ANKS1B: variants seen among roughly 807,000 people sequenced by gnomAD.
The protein encoded by ANKS1B is ankyrin repeat and sterile alpha motif domain-containing protein 1B.
A neutral mutation model predicts 148.3 loss-of-function variants in ANKS1B; 36 were observed. The ratio of observed to expected loss-of-function variants is 0.24; its 90% confidence interval spans 0.19 to 0.32. ANKS1B has a LOEUF of 0.32. Among genes scored for constraint, ANKS1B ranks in the 10% least tolerant of loss-of-function variants. The probability of loss-of-function intolerance (pLI) is 1.00; values close to 1 mark genes in which losing one functional copy is unlikely to be tolerated. For synonymous variants in ANKS1B, 542 were observed against 560.8 expected (o/e 0.97, Z 0.47); for missense variants, 1,157 against 1,542.6 (o/e 0.75, Z 4.19).
intron 20 of ANKS1B, among the ~76,000 whole-genome samples, chr12:98,806,234 C>T (rs531266125): frequency 6.6e-6 from 1 of 152,154 alleles, no homozygotes; most frequent in Non-Finnish European, 1.5e-5. Flanking sequence ...AATTAAAAGC[C>T]ATGCTTACAA....
At chr12:98,892,426 T>C (rs1170085937) in intron 17 of ANKS1B, among the ~76,000 whole-genome samples, 1 of 152,210 alleles carries the variant, frequency 6.6e-6, no homozygotes, top group African/African-American at 2.4e-5. Context: ...TCCCCCACAA[T>C]GTACTCTGTC....
intron 1 of ANKS1B, among the ~76,000 whole-genome samples, chr12:99,904,195 CT>C (rs11299342): frequency 0.58 from 84,598 of 144,946 alleles, 24,883 homozygotes; most frequent in Middle Eastern, 0.7. Flanking sequence ...CCTAATAATT[CT>C]TTTTTTTTTT....
chr12:99,294,574 C>T (rs1468277716), intron 12 of ANKS1B, among the ~76,000 whole-genome samples: 1 of 151,560 alleles, frequency 6.6e-6, no homozygotes, highest in Admixed American at 6.6e-5. Flanking sequence ...TTAGCGGATA[C>T]AAAAATACAG....
intron 22 of ANKS1B, among the ~76,000 whole-genome samples, chr12:98,798,421 T>A (rs2098970280): frequency 6.6e-6 from 1 of 151,838 alleles, no homozygotes; most frequent in African/African-American, 2.4e-5. Flanking sequence ...GTGCCCGGCC[T>A]GGAATTGCCA....
At chr12:99,166,246 A>G (rs1205084672) in intron 14 of ANKS1B, among the ~76,000 whole-genome samples, 4 of 151,758 alleles carry the variant, frequency 2.6e-5, no homozygotes, top group Admixed American at 2.6e-4. Context: ...TCTACCCAAC[A>G]TTGTACTGGA....
intron 17 of ANKS1B, among the ~76,000 whole-genome samples, chr12:99,051,192 C>T (rs2099965845): frequency 6.6e-6 from 1 of 152,112 alleles, no homozygotes; most frequent in Admixed American, 6.5e-5. Context: ...AAAGTGAGTG[C>T]CCAAGCTTAC....
intron 4 of ANKS1B, among the ~76,000 whole-genome samples, chr12:99,791,165 T>C (rs891837075): frequency 8.6e-5 from 13 of 151,860 alleles, no homozygotes; most frequent in Admixed American, 6.6e-4. Flanking sequence ...ATAAAAATTG[T>C]AGGAAAAGAC....
intron 8 of ANKS1B, among the ~76,000 whole-genome samples, chr12:99,716,696 C>T (rs1407961067): frequency 3.3e-5 from 5 of 152,278 alleles, no homozygotes; most frequent in African/African-American, 1.2e-4. Context: ...TTCTTTCACA[C>T]ATCAGTCCCT....
intron 9 of ANKS1B, among the ~76,000 whole-genome samples, chr12:99,567,696 A>G (rs1277188312): frequency 6.6e-6 from 1 of 152,288 alleles, no homozygotes; most frequent in Non-Finnish European, 1.5e-5. Context: ...GAGTAGATAA[A>G]GGTATCAGGA....
intron 1 of ANKS1B, among the ~76,000 whole-genome samples, chr12:99,975,173 C>T (rs2153837747): frequency 6.6e-6 from 1 of 152,182 alleles, no homozygotes; most frequent in South Asian, 2.1e-4. Context: ...GAAGAATTAC[C>T]ACCTGTATCC....
chr12:99,269,242 A>G (rs1024412951), intron 12 of ANKS1B, among the ~76,000 whole-genome samples: 2 of 152,226 alleles, frequency 1.3e-5, no homozygotes, highest in Admixed American at 1.3e-4. Flanking sequence ...TATATCAAGC[A>G]AATACATTTT....
chr12:99,477,774 G>A (rs1396915176), intron 10 of ANKS1B, among the ~76,000 whole-genome samples: 10 of 152,108 alleles, frequency 6.6e-5, no homozygotes, highest in Admixed American at 3.3e-4. Context: ...GTGAAAAGGA[G>A]TGCTAGTAAT....
chr12:98,863,306 T>G (rs919040529), intron 17 of ANKS1B, among the ~76,000 whole-genome samples: 4 of 152,220 alleles, frequency 2.6e-5, no homozygotes, highest in African/African-American at 7.2e-5. Context: ...GCAGCTCGGC[T>G]GGATCCCAGC....
At chr12:98,743,908 T>A, downstream of ANKS1B, 1 of 781,470 alleles carries the variant, frequency 1.3e-6, no homozygotes, top group Non-Finnish European at 1.6e-6. Context: ...CTGAGAAGGC[T>A]GGGCCTTTGG....
intron 14 of ANKS1B, among the ~76,000 whole-genome samples, chr12:99,238,484 G>C (rs2088512445): frequency 6.6e-6 from 1 of 152,216 alleles, no homozygotes; most frequent in South Asian, 2.1e-4. Context: ...GAAGGGCATA[G>C]CAGAACAAAA....
chr12:99,377,251 C>T (rs1032620073), intron 12 of ANKS1B, among the ~76,000 whole-genome samples: 1 of 152,086 alleles, frequency 6.6e-6, no homozygotes, highest in African/African-American at 2.4e-5. Context: ...CGTGATCTGC[C>T]CGCCTCAGCC....
At chr12:99,404,664 C>T (rs1026208711) in intron 11 of ANKS1B, among the ~76,000 whole-genome samples, 2 of 145,428 alleles carry the variant, frequency 1.4e-5, no homozygotes, top group East Asian at 3.9e-4. Context: ...TAGAAAATAG[C>T]TTCCAAAGGG....
intron 8 of ANKS1B, among the ~76,000 whole-genome samples, chr12:99,679,179 T>C (rs920916878): frequency 2.0e-5 from 3 of 152,204 alleles, no homozygotes; most frequent in African/African-American, 7.2e-5. Context: ...CAAATGAAGA[T>C]GTGATCAAAG....
chr12:99,220,119 C>T (rs965143345), intron 14 of ANKS1B, among the ~76,000 whole-genome samples: 2 of 152,130 alleles, frequency 1.3e-5, no homozygotes, highest in Admixed American at 6.5e-5. Flanking sequence ...CCTGCCTCAG[C>T]CTCCAGAGTA....
Sources: gnomAD v4.1 joint callset for allele counts (sites outside exome capture counted in the v4.1 genomes callset) on GRCh38, gnomAD v4.1.1 for gene constraint, MANE v1.5 for transcripts, NCBI Gene and HGNC (gene_info 2026-07-23, HGNC 2026-07-21) for gene names.